GDAP1L1: variants seen among roughly 807,000 people sequenced by gnomAD.
GDAP1L1 encodes ganglioside-induced differentiation-associated protein 1-like 1.
A neutral mutation model predicts 37.1 loss-of-function variants in GDAP1L1; 21 were observed. The observed-to-expected ratio is 0.57, with a 90% CI of 0.40 to 0.81. GDAP1L1 has a LOEUF of 0.81. Among genes scored for constraint, GDAP1L1 ranks in the 40% least tolerant of loss-of-function variants. The pLI, the probability that GDAP1L1 is intolerant of heterozygous loss-of-function variation, is 0.00. For synonymous variants in GDAP1L1, 193 were observed against 209.1 expected (o/e 0.92, Z 0.67); for missense variants, 362 against 491.6 (o/e 0.74, Z 2.49).
intron 1 of GDAP1L1, among the ~76,000 whole-genome samples, chr20:44,252,940 C>A (rs1243396307): frequency 2.0e-5 from 3 of 152,166 alleles, no homozygotes; most frequent in African/African-American, 7.2e-5. Flanking sequence ...GTATGTCCAA[C>A]ATGCTTAGAG....
Position 44,247,326 on chromosome 20 carries a change from C to G in GDAP1L1, c.-9C>G. 6.2e-7 allele frequency: 1 copy of G among 1,613,360 alleles called. No homozygotes were observed. The highest frequency in any genetic ancestry group is 1.3e-5 in the African/African-American group (1 of 75,026). On this transcript the variant is annotated 5_prime_UTR_variant, in exon 1 of 6. Transcript: ENST00000342560. ...CCTCCTTCTTTCCTGCCTCTGATTC[C>G]GGGCTGTCATGGCGACCCCCAACAA... is the stretch of plus-strand genomic sequence containing the variant.
chr20:44,247,509 C>G lies in GDAP1L1; in HGVS notation c.175C>G (p.Gln59Glu). ...CCACTGGACCCAGTCCTTCAGCTCG[C>G]AGAAGGTAGAGCCGGGCCGGGAGCC... The part of the protein sequence containing the change: ...LYHWTQSFSS[Q>E]KVRLVIAEKG... Residue 59 changes from glutamine (Q) to glutamate (E), a missense_variant, in exon 1 of 6, where the codon CAG becomes GAG. This residue lies in a region of GDAP1L1 where 277 missense variants were observed against 337.1 expected (regional missense o/e 0.82). Coordinates refer to ENST00000342560, the MANE Select transcript of GDAP1L1 (RefSeq NM_024034.6). The G allele has an allele frequency of 6.6e-7, 1 of 1,519,186 alleles. No individual in the cohort carries two copies. The allele number at this position is 1,519,186 out of a possible 1,614,324, so 94.1% of individuals were successfully genotyped here.
Position 44,258,559 on chromosome 20 carries a change from C to A in GDAP1L1, c.499C>A (p.Leu167Ile). Residue 167 changes from leucine (L) to isoleucine (I), a missense_variant, in exon 3 of 6, where the codon CTC becomes ATC. Transcript: ENST00000342560. ...GCATGGCTGCATCCTGCATCCCGAGCTCACCACCGACTCCATGATCCCCAA... is the reference window on the plus strand; with the variant it reads ...GCATGGCTGCATCCTGCATCCCGAGATCACCACCGACTCCATGATCCCCAA... ...YTHGCILHPE[L>I]TTDSMIPKYA... is the part of the protein sequence containing the mutation. 6.3e-7 allele frequency: 1 copy of A among 1,597,462 alleles called. No homozygotes were observed. The highest frequency in any genetic ancestry group is 1.7e-4 in the Middle Eastern group (1 of 6,046).
At chr20:44,268,320 A>T (rs561646915) in intron 5 of GDAP1L1, among the ~76,000 whole-genome samples, 28 of 152,212 alleles carry the variant, frequency 1.8e-4, no homozygotes, top group Admixed American at 8.5e-4. Flanking sequence ...CTGGTGGAAG[A>T]TTTGTTAAGA....
chr20:44,249,973 G>A (rs918265494), intron 1 of GDAP1L1, among the ~76,000 whole-genome samples: 1 of 152,198 alleles, frequency 6.6e-6, no homozygotes, highest in African/African-American at 2.4e-5. Context: ...TCCTTTAGAA[G>A]ACATAGGCAT....
intron 4 of GDAP1L1, among the ~76,000 whole-genome samples, chr20:44,263,693 A>T (rs1349811105): frequency 1.3e-5 from 2 of 152,016 alleles, no homozygotes; most frequent in East Asian, 3.9e-4. Flanking sequence ...AAAATACAAA[A>T]ATTAGCCGGG....
intron 5 of GDAP1L1, among the ~76,000 whole-genome samples, chr20:44,276,200 T>A (rs900988298): frequency 6.6e-6 from 1 of 150,464 alleles, no homozygotes; most frequent in Non-Finnish European, 1.5e-5. Flanking sequence ...CCAGGCATGA[T>A]GGTGCATACC....
In GDAP1L1 at chr20:44,258,429, C is replaced by T. The variant is rs990550573; in HGVS notation, c.374-5C>T. On this transcript the variant is annotated splice_region_variant and splice_polypyrimidine_tract_variant and intron_variant, in intron 2 of 5. Coordinates refer to ENST00000342560, the MANE Select transcript of GDAP1L1 (RefSeq NM_024034.6). ...TCCCTGCCCAGCCCCTGGCGGTGCC[C>T]ACAGAGCACGTGGTGGCCCTGATGC... The T allele has an allele frequency of 3.0e-5, 47 of 1,548,916 alleles. No homozygotes were observed. The highest frequency in any genetic ancestry group is 3.3e-4 in the Middle Eastern group (2 of 5,986).
In GDAP1L1 at chr20:44,264,101, A is replaced by G. The variant is rs573640676; in HGVS notation, c.646-344A>G. On this transcript the variant is annotated intron_variant, in intron 4 of 5. Coordinates refer to ENST00000342560, the MANE Select transcript of GDAP1L1 (RefSeq NM_024034.6). ...CCCTCATATCAGTGGGACATTGGCT[A>G]CAGATTGTTGGAGGGAGGGGTGCGG... Among the ~76,000 whole-genome samples the G allele has an allele frequency of 1.2e-4, 19 of 152,262 alleles. No individual in the cohort carries two copies. In the East Asian group the frequency reaches 3.7e-3, roughly 29 times the overall value.
At chr20:44,270,211 C>T (rs965463924) in intron 5 of GDAP1L1, among the ~76,000 whole-genome samples, 1 of 140,418 alleles carries the variant, frequency 7.1e-6, no homozygotes, top group African/African-American at 2.7e-5. Flanking sequence ...CGCTCTGTCG[C>T]CCAGGCTGGA....
intron 5 of GDAP1L1, among the ~76,000 whole-genome samples, chr20:44,273,375 C>G (rs2062540598): frequency 6.6e-6 from 1 of 152,280 alleles, no homozygotes; most frequent in South Asian, 2.1e-4. Flanking sequence ...TGGGCCTGTT[C>G]TCTGATCTGT....
At chr20:44,277,455 G>A (rs1051669022) in intron 5 of GDAP1L1, among the ~76,000 whole-genome samples, 1 of 152,224 alleles carries the variant, frequency 6.6e-6, no homozygotes. Context: ...GTCCAATGTG[G>A]CTGGAGAAGA....
chr20:44,279,190 C>T lies in GDAP1L1; in HGVS notation c.994C>T (p.Arg332Trp), dbSNP rs1352706215. ...LLSAVIPNAFRLVKRKPPSFF... is the reference protein window; with the variant it reads ...LLSAVIPNAFWLVKRKPPSFF... ...GTCGGCCGTCATCCCCAATGCTTTC[C>T]GGCTGGTCAAGAGGAAACCCCCATC... The change falls in exon 6 of 6, where the codon CGG becomes TGG. Residue 332 changes from arginine (R) to tryptophan (W), a missense_variant. Around this residue, in one of 2 missense-constraint regions of GDAP1L1, gnomAD observed 85 missense variants for 154.4 expected, o/e 0.55. Transcript: ENST00000342560. 5 of 1,614,092 alleles carry T rather than the reference C, an allele frequency of 3.1e-6. No homozygotes were observed. The highest frequency in any genetic ancestry group is 1.1e-5 in the South Asian group (1 of 91,080).
chr20:44,264,400 C>G lies in GDAP1L1; in HGVS notation c.646-45C>G, dbSNP rs778658492. The stretch of plus-strand genomic sequence containing the variant: ...CCTTCCATCCCTGAACATCCTGGCT[C>G]TATTGAGGCCAACTCAGCTTCTCTT... On this transcript the variant is annotated intron_variant, in intron 4 of 5. Transcript: ENST00000342560. 4.6e-5 allele frequency: 66 copies of G among 1,431,268 alleles called. No individual in the cohort carries two copies. The Middle Eastern group carries it at 7.7e-4, about 17-fold the overall frequency. 88.7% of individuals were successfully genotyped at this position (1,431,268 alleles called of 1,614,324 possible).
intron 5 of GDAP1L1, among the ~76,000 whole-genome samples, chr20:44,268,818 G>A (rs1381481634): frequency 2.0e-5 from 3 of 152,216 alleles, no homozygotes; most frequent in Non-Finnish European, 4.4e-5. Flanking sequence ...TGGAGCGGGT[G>A]AGGTGAGATC....
chr20:44,279,300 G>T lies in GDAP1L1; in HGVS notation c.1104G>T (p.Ter368TyrextTer17). The T allele has an allele frequency of 6.3e-7, 1 of 1,595,550 alleles. No homozygotes were observed. Among genetic ancestry groups the T allele is most frequent in the South Asian group, 1.1e-5 (1 of 89,742 alleles). ...GGTACCTCAAGAAAAAATACATCTAGGGCCAGGCCTGGGGCTTGGTGTCTG... is the reference window on the plus strand; with the variant it reads ...GGTACCTCAAGAAAAAATACATCTATGGCCAGGCCTGGGGCTTGGTGTCTG... ...AYWYLKKKYI[*>Y] Residue 368 changes from the stop codon to tyrosine (Y), a stop_lost, in exon 6 of 6, where the codon TAG (stop) becomes TAT (tyrosine). Coordinates refer to ENST00000342560, the MANE Select transcript of GDAP1L1 (RefSeq NM_024034.6).
At chr20:44,271,759 C>T (rs1193736445) in intron 5 of GDAP1L1, among the ~76,000 whole-genome samples, 2 of 152,026 alleles carry the variant, frequency 1.3e-5, no homozygotes, top group African/African-American at 2.4e-5. Flanking sequence ...TTCAGGACAG[C>T]GATGCAGAGG....
chr20:44,248,312 C>T (rs1038647116), intron 1 of GDAP1L1, among the ~76,000 whole-genome samples: 6 of 152,256 alleles, frequency 3.9e-5, no homozygotes, highest in Non-Finnish European at 7.3e-5. Context: ...AATCTCCCAC[C>T]CTGGGCGGTT....
At chr20:44,261,605 C>T (rs1028582839) in intron 3 of GDAP1L1, among the ~76,000 whole-genome samples, 1 of 152,190 alleles carries the variant, frequency 6.6e-6, no homozygotes, top group Non-Finnish European at 1.5e-5. Flanking sequence ...GAGACATACA[C>T]ATTCAGTGAT....
Sources: allele counts gnomAD v4.1 joint callset (sites outside exome capture counted in the v4.1 genomes callset), GRCh38; gene constraint gnomAD v4.1.1; regional missense constraint gnomAD v4.1.1; transcripts MANE v1.5; gene names NCBI Gene and HGNC (gene_info 2026-07-23, HGNC 2026-07-21).